PLOD2: variants seen among roughly 807,000 people sequenced by gnomAD.
PLOD2 encodes procollagen-lysine,2-oxoglutarate 5-dioxygenase 2.
Under a neutral mutation model 101.0 loss-of-function variants are expected in PLOD2, and 65 were observed. The ratio of observed to expected loss-of-function variants is 0.64; its 90% CI spans 0.53 to 0.79. The LOEUF (loss-of-function observed/expected upper bound fraction) is 0.79. PLOD2 is among the 30% of genes least tolerant of loss of function. The pLI, the probability that PLOD2 is intolerant of heterozygous loss-of-function variation, is 0.00. For synonymous variants in PLOD2, 314 were observed against 302.9 expected, an observed-to-expected ratio of 1.04 and a Z score of -0.38; for missense variants, 909 against 914.6, an observed-to-expected ratio of 0.99 and a Z score of 0.08.
In PLOD2 at chr3:146,106,662, G is replaced by C; in HGVS notation, c.503-18C>G. On this transcript the variant is annotated intron_variant, in intron 4 of 19. Coordinates refer to ENST00000282903, the MANE Select transcript of PLOD2 (RefSeq NM_182943.3). ...AATAAATCCTGCAACACAGCAGAGA[G>C]AAAGTAGATAATTTAGGATTCAAAG... 1.6e-6 allele frequency: 2 copies of C among 1,221,108 alleles called. No individual in the cohort carries two copies. The allele number at this position is 1,221,108 out of a possible 1,614,324, so 75.6% of individuals were successfully genotyped here.
rs764368855 is a variant in PLOD2 at position 146,088,758 on chromosome 3, T to A, written c.880-47A>T. ...AAAATAAAATTATCATTAGTATGGT[T>A]TTGTTTTAAATTTTATTCAAATGTT... On this transcript the variant is annotated intron_variant, in intron 8 of 19. Coordinates refer to ENST00000282903, the MANE Select transcript of PLOD2 (RefSeq NM_182943.3). 1.5e-5 allele frequency: 22 copies of A among 1,470,456 alleles called. No individual in the cohort carries two copies. The East Asian group carries it at 5.0e-4, about 34-fold the overall frequency. The allele number at this position is 1,470,456 out of a possible 1,614,324, so 91.1% of individuals were successfully genotyped here.
chr3:146,134,914 G>A (rs979783397), intron 1 of PLOD2, among the ~76,000 whole-genome samples: 1 of 152,086 alleles, frequency 6.6e-6, no homozygotes, highest in Non-Finnish European at 1.5e-5. Context: ...CAAGTCTGCC[G>A]AAATTAAAGC....
intron 10 of PLOD2, 47 bp from the exon 11 acceptor site, chr3:146,085,320 T>A (rs965524458): frequency 2.2e-6 from 2 of 910,002 alleles, no homozygotes; most frequent in African/African-American, 1.6e-5. Context: ...AAAATAAATA[T>A]CTGCTGACTG....
At chr3:146,097,005 G>A (rs1937204850) in intron 7 of PLOD2, among the ~76,000 whole-genome samples, 1 of 147,532 alleles carries the variant, frequency 6.8e-6, no homozygotes, top group African/African-American at 2.5e-5. Context: ...GAGGTGGGGG[G>A]GTCAGCCCCC....
chr3:146,084,436 T>C (rs1287427049), intron 11 of PLOD2, among the ~76,000 whole-genome samples: 1 of 152,118 alleles, frequency 6.6e-6, no homozygotes, highest in Non-Finnish European at 1.5e-5. Flanking sequence ...CCCATGTATC[T>C]TACTTAACAA....
intron 12 of PLOD2, among the ~76,000 whole-genome samples, chr3:146,081,318 T>A (rs907580412): frequency 6.6e-6 from 1 of 152,138 alleles, no homozygotes; most frequent in Non-Finnish European, 1.5e-5. Flanking sequence ...CAATCAGGAA[T>A]ACTGGAATGT....
chr3:146,157,454 T>C (rs768935092), intron 1 of PLOD2, among the ~76,000 whole-genome samples: 1 of 152,034 alleles, frequency 6.6e-6, no homozygotes, highest in African/African-American at 2.4e-5. Flanking sequence ...ATAAACAGGA[T>C]TTCAAAAAAC....
At chr3:146,146,926 T>G (rs769860481) in intron 1 of PLOD2, among the ~76,000 whole-genome samples, 3 of 152,172 alleles carry the variant, frequency 2.0e-5, no homozygotes, top group African/African-American at 4.8e-5. Flanking sequence ...AACATAGGGT[T>G]CCTGCTTATC....
chr3:146,158,388 G>C (rs1257855878), intron 1 of PLOD2, among the ~76,000 whole-genome samples: 2 of 152,136 alleles, frequency 1.3e-5, no homozygotes, highest in Non-Finnish European at 2.9e-5. Flanking sequence ...ACAGCACACA[G>C]AACTCTCAAA....
intron 1 of PLOD2, among the ~76,000 whole-genome samples, chr3:146,159,817 A>G (rs2032483759): frequency 6.6e-6 from 1 of 152,226 alleles, no homozygotes; most frequent in Non-Finnish European, 1.5e-5. Context: ...ACTGTTTTGT[A>G]GAAAGATAGG....
intron 5 of PLOD2, among the ~76,000 whole-genome samples, chr3:146,105,666 T>A (rs894365101): frequency 6.6e-6 from 1 of 152,230 alleles, no homozygotes. Flanking sequence ...ACATAAAGTC[T>A]ATGTTATCAT....
intron 12 of PLOD2, 110 bp from the exon 13 acceptor site, chr3:146,079,367 T>C (rs1379705857): frequency 5.3e-6 from 4 of 760,496 alleles, no homozygotes; most frequent in Admixed American, 2.2e-5. Context: ...TATACATAAA[T>C]TATTGAATCA....
intron 3 of PLOD2, among the ~76,000 whole-genome samples, chr3:146,120,706 T>G (rs947633438): frequency 6.6e-6 from 1 of 152,198 alleles, no homozygotes; most frequent in Non-Finnish European, 1.5e-5. Flanking sequence ...TAATATCTAC[T>G]TTTTAAAACA....
intron 1 of PLOD2, among the ~76,000 whole-genome samples, chr3:146,149,385 T>A (rs987033572): frequency 2.6e-5 from 4 of 152,156 alleles, no homozygotes; most frequent in African/African-American, 9.7e-5. Context: ...TTATAGTTAT[T>A]TTTTAAGTTT....
Position 146,124,196 on chromosome 3 carries a change from T to C in PLOD2, c.143A>G (p.Glu48Gly). The change falls in exon 2 of 20, where the codon GAA becomes GGA. Residue 48 changes from glutamate to glycine, a missense_variant. Glu to Gly is a moderately conservative substitution (Grantham distance 98). Coordinates refer to ENST00000282903, the MANE Select transcript of PLOD2 (RefSeq NM_182943.3). ...CATAAATCGATGGAATCCATCACTT[T>C]CTTTTGTTGCTACAGTTATGACTAA... ...KLLVITVATK[E>G]SDGFHRFMQS... The C allele has an allele frequency of 1.3e-6, 2 of 1,596,784 alleles. No individual in the cohort carries two copies. Among genetic ancestry groups the C allele is most frequent in the Admixed American group, 1.7e-5 (1 of 59,896 alleles).
chr3:146,153,829 CAAA>C (rs57315523), intron 1 of PLOD2, among the ~76,000 whole-genome samples: 6 of 110,270 alleles, frequency 5.4e-5, no homozygotes, highest in Admixed American at 8.8e-5. Context: ...GTCCACAGCA[CAAA>C]AAAAAAAAAA....
intron 8 of PLOD2, among the ~76,000 whole-genome samples, chr3:146,090,122 A>G (rs1286337579): frequency 6.6e-6 from 1 of 150,944 alleles, no homozygotes; most frequent in Non-Finnish European, 1.5e-5. Flanking sequence ...TTTGTTATGT[A>G]TATTCATATA....
At chr3:146,092,913 T>C (rs1230295597) in intron 7 of PLOD2, among the ~76,000 whole-genome samples, 2 of 152,148 alleles carry the variant, frequency 1.3e-5, no homozygotes, top group Non-Finnish European at 2.9e-5. Flanking sequence ...TAAATTTTCT[T>C]TCCACAAACT....
At chr3:146,147,969 A>G (rs2031864801) in intron 1 of PLOD2, among the ~76,000 whole-genome samples, 1 of 152,166 alleles carries the variant, frequency 6.6e-6, no homozygotes, top group South Asian at 2.1e-4. Flanking sequence ...CCTCCAAAAC[A>G]AGAAAGATTC....
Sources: gnomAD v4.1 joint callset for allele counts (sites outside exome capture counted in the v4.1 genomes callset) on GRCh38, gnomAD v4.1.1 for gene constraint, MANE v1.5 for transcripts, NCBI Gene and HGNC (gene_info 2026-07-23, HGNC 2026-07-21) for gene names.